CNPY4: variants seen among roughly 807,000 people sequenced by gnomAD.
CNPY4 encodes the protein protein canopy homolog 4.
Under a neutral mutation model 30.1 loss-of-function variants are expected in CNPY4, and 33 were observed. The ratio of observed to expected loss-of-function variants is 1.10; its 90% confidence interval spans 0.83 to 1.46. CNPY4 has a LOEUF of 1.46. Among genes scored for constraint, CNPY4 ranks in the 40% most tolerant of loss-of-function variants. The pLI, the probability that CNPY4 is intolerant of heterozygous loss-of-function variation, is 0.00. For synonymous variants in CNPY4, 109 were observed against 110.1 expected (o/e 0.99, Z 0.06); for missense variants, 324 against 302.6 (o/e 1.07, Z -0.52).
chr7:100,124,701 A>G, intron 5 of CNPY4, 24 bp from the exon 6 acceptor site: 1 of 1,613,534 alleles, frequency 6.2e-7, no homozygotes, highest in Non-Finnish European at 8.5e-7. Flanking sequence ...TAATATCTAA[A>G]TTGTTTTCTG....
At position 100,122,477 on chromosome 7, in the gene CNPY4, A is replaced by G. The variant is rs1479430058; in HGVS notation, c.246-4A>G. On this transcript the variant is annotated splice_polypyrimidine_tract_variant and splice_region_variant and intron_variant, in intron 2 of 5. Transcript: ENST00000262932. Reference sequence around the variant, plus strand: ...GGGAATCTTTGTTTCCTCTCTTTCCACAGAGAGACAAGGCTGGAAGAGGCC... The same window carrying G: ...GGGAATCTTTGTTTCCTCTCTTTCCGCAGAGAGACAAGGCTGGAAGAGGCC... 4 of 1,613,690 alleles carry G rather than the reference A, an allele frequency of 2.5e-6. No homozygotes were observed. The highest frequency in any genetic ancestry group is 2.2e-5 in the East Asian group (1 of 44,878).
intron 5 of CNPY4, 30 bp downstream of exon 5, chr7:100,124,661 C>A (rs1798165776): frequency 1.2e-6 from 2 of 1,611,128 alleles, no homozygotes; most frequent in Non-Finnish European, 1.7e-6. Flanking sequence ...TCCTCTCCTG[C>A]CAAGCCATAG....
chr7:100,121,118 T>TATATATA (rs1798048567), intron 1 of CNPY4: 3 of 31,884 alleles, frequency 9.4e-5, no homozygotes, highest in African/African-American at 3.1e-4. Flanking sequence ...ATATATATAT[T>TATATATA]TTTTTTTTTT....
intron 1 of CNPY4, chr7:100,121,112 A>ATTTT (rs1798040006): frequency 5.2e-4 from 16 of 30,708 alleles, no homozygotes; most frequent in Non-Finnish European, 7.6e-4. Flanking sequence ...ATATATATAT[A>ATTTT]TATATTTTTT....
At chr7:100,124,444 G>T in intron 4 of CNPY4, 70 bp from the exon 5 acceptor site, 1 of 1,241,148 alleles carries the variant, frequency 8.1e-7, no homozygotes, top group South Asian at 1.2e-5. Flanking sequence ...AGGTTGAGCA[G>T]GGAGAGAAGA....
rs144940034 is a variant in CNPY4 at position 100,124,875 on chromosome 7, G to A, written c.734G>A (p.Arg245Gln). 2.2e-4 allele frequency: 353 copies of A among 1,597,762 alleles called. No individual in the cohort carries two copies. The highest frequency in any genetic ancestry group is 3.3e-4 in the South Asian group (29 of 88,392). Residue 245 changes from arginine (R) to glutamine (Q), a missense_variant, in exon 6 of 6, where the codon CGA becomes CAA. Transcript: ENST00000262932. ...ACAGGAAGCCACCCCAAACTTGACC[G>A]AGAAGATCTTTGACCCTTGCCTTTG... ...TKTGSHPKLD[R>Q]EDL is the part of the protein sequence containing the mutation.
rs1880949 is a variant in CNPY4 at position 100,124,643 on chromosome 7, G to T, written c.583+12G>T. Reference sequence around the variant, plus strand: ...AGCTGCTGAAACTGGTAAGCGTAAGGGTTGAACTCCTCTCCTGCCAAGCCA... The same window carrying T: ...AGCTGCTGAAACTGGTAAGCGTAAGTGTTGAACTCCTCTCCTGCCAAGCCA... On this transcript the variant is annotated intron_variant, in intron 5 of 5. Coordinates refer to ENST00000262932, the MANE Select transcript of CNPY4 (RefSeq NM_152755.2). 437,673 of 1,611,178 alleles carry T rather than the reference G, an allele frequency of 0.27. 61,201 individuals carry two copies. The highest frequency in any genetic ancestry group is 0.38 in the East Asian group (17,148 of 44,844).
Position 100,122,793 on chromosome 7 carries a change from CAG to C in CNPY4, c.354_355del (p.Gln118HisfsTer26). Reference protein sequence around the residue: ...GSLRYAKGQSQTMATLKGLVQ... With the variant: ...GSLRYAKGQSXTMATLKGLVQ... Reference sequence around the variant, plus strand: ...ATTCTTAATCTCTCAGGGTCAGAGTCAGACCATGGCAACACTGAAAGGCCTAG... The same window carrying C: ...ATTCTTAATCTCTCAGGGTCAGAGTCACCATGGCAACACTGAAAGGCCTAG... On this transcript the variant is annotated frameshift_variant, in exon 4 of 6. Coordinates refer to ENST00000262932, the MANE Select transcript of CNPY4 (RefSeq NM_152755.2). LOFTEE classifies it high-confidence loss of function. The C allele has an allele frequency of 8.1e-6, 13 of 1,613,458 alleles. No homozygotes were observed. Among genetic ancestry groups the C allele is most frequent in the Non-Finnish European group, 1.0e-5 (12 of 1,179,752 alleles).
intron 1 of CNPY4, chr7:100,120,326 GC>G (rs772331017): frequency 2.7e-4 from 42 of 153,374 alleles, no homozygotes; most frequent in Non-Finnish European, 6.0e-4. Context: ...GAGTAATTCA[GC>G]CTTTGAAGCT....
chr7:100,122,745 G>A (rs765919010), intron 3 of CNPY4, 39 bp from the exon 4 acceptor site: 2 of 1,594,304 alleles, frequency 1.3e-6, no homozygotes, highest in South Asian at 1.1e-5. Flanking sequence ...GAGGGGTGGG[G>A]TGGTGAGCTG....
intron 1 of CNPY4, among the ~76,000 whole-genome samples, chr7:100,121,873 AC>A (rs1316706913): frequency 1.5e-5 from 2 of 135,838 alleles, no homozygotes; most frequent in Middle Eastern, 3.6e-3. Context: ...ACACGGTGAA[AC>A]CCTGTCTCTA....
intron 1 of CNPY4, 49 bp downstream of exon 1, chr7:100,119,911 T>C (rs1274140640): frequency 6.6e-7 from 1 of 1,517,626 alleles, no homozygotes; most frequent in Non-Finnish European, 8.9e-7. Context: ...CACACCTCCT[T>C]CTTCTAGGCC....
chr7:100,123,294 A>G (rs1227681728), intron 4 of CNPY4, among the ~76,000 whole-genome samples: 1 of 151,844 alleles, frequency 6.6e-6, no homozygotes, highest in Non-Finnish European at 1.5e-5. Context: ...ATGAGCCAAG[A>G]TCGCACCATT....
At position 100,119,719 on chromosome 7, in the gene CNPY4, T is replaced by C; in HGVS notation, c.-26T>C. 1 of 1,613,750 alleles carries C rather than the reference T, an allele frequency of 6.2e-7. No individual in the cohort carries two copies. Among genetic ancestry groups the C allele is most frequent in the Non-Finnish European group, 8.5e-7 (1 of 1,179,878 alleles). The stretch of plus-strand genomic sequence containing the variant: ...CCTTCCCGAAGTTGAAGGCAAGCGG[T>C]GATTGTTTGTAGACGGCGCTTTGTC... On this transcript the variant is annotated 5_prime_UTR_variant, in exon 1 of 6. Transcript: ENST00000262932.
chr7:100,123,034 C>A, intron 4 of CNPY4, 128 bp downstream of exon 4: 2 of 1,069,922 alleles, frequency 1.9e-6, no homozygotes, highest in Non-Finnish European at 2.6e-6. Flanking sequence ...GAGGACTGTG[C>A]CATTGATTAA....
At position 100,119,796 on chromosome 7, in the gene CNPY4, G is replaced by A; in HGVS notation, c.52G>A (p.Glu18Lys). Reference sequence around the variant, plus strand: ...GCTTTTCCTTTTTTTGGCCGTGCACGAGGCTTGGGCTGGGATGTTGAAGGA... The same window carrying A: ...GCTTTTCCTTTTTTTGGCCGTGCACAAGGCTTGGGCTGGGATGTTGAAGGA... ...ILLFLFLAVH[E>K]AWAGMLKEED... The change falls in exon 1 of 6, where the codon GAG becomes AAG. Residue 18 changes from glutamate (E) to lysine (K), a missense_variant. Glu to Lys is a moderately conservative substitution (Grantham distance 56). Transcript: ENST00000262932. 1 of 1,614,168 alleles carries A rather than the reference G, an allele frequency of 6.2e-7. No individual in the cohort carries two copies. Among genetic ancestry groups the A allele is most frequent in the Non-Finnish European group, 8.5e-7 (1 of 1,180,016 alleles).
In CNPY4 at chr7:100,122,897, C is replaced by CA; in HGVS notation, c.458dup (p.Lys154GlufsTer4). 6.2e-7 allele frequency: 1 copy of CA among 1,612,498 alleles called. No individual in the cohort carries two copies. The highest frequency in any genetic ancestry group is 8.5e-7 in the Non-Finnish European group (1 of 1,179,412). On this transcript the variant is annotated frameshift_variant, in exon 4 of 6. Coordinates refer to ENST00000262932, the MANE Select transcript of CNPY4 (RefSeq NM_152755.2). LOFTEE classifies it high-confidence loss of function. Reference sequence around the variant, plus strand: ...AGCCCAGCGTGGAGGTCACATACCTCAAGAAGCAGGTAGGATAAGACACTG... The same window carrying CA: ...AGCCCAGCGTGGAGGTCACATACCTCAAAGAAGCAGGTAGGATAAGACACTG...
chr7:100,122,750 G>A lies in CNPY4; in HGVS notation c.343-34G>A, dbSNP rs759597218. The stretch of plus-strand genomic sequence containing the variant: ...AAGGGGAAGGGAGGGGTGGGGTGGT[G>A]AGCTGGGCTGATGCCAAATTCTTAA... On this transcript the variant is annotated intron_variant, in intron 3 of 5. Transcript: ENST00000262932. 6.2e-6 allele frequency: 10 copies of A among 1,600,588 alleles called. No individual in the cohort carries two copies. The East Asian group carries it at 9.0e-5, about 14-fold the overall frequency.
chr7:100,122,707 C>G lies in CNPY4; in HGVS notation c.343-77C>G. On this transcript the variant is annotated intron_variant, in intron 3 of 5. Coordinates refer to ENST00000262932, the MANE Select transcript of CNPY4 (RefSeq NM_152755.2). ...TCACCCTTGAATCTCCAGTAGTTGA[C>G]AAAACTGAAATGGCAGAAAGGGGAA... 2.6e-6 allele frequency: 4 copies of G among 1,533,320 alleles called. No individual in the cohort carries two copies. The Admixed American group carries it at 7.4e-5, about 28-fold the overall frequency. 95.0% of individuals were successfully genotyped at this position (1,533,320 alleles called of 1,614,324 possible).
Sources: allele counts gnomAD v4.1 joint callset (sites outside exome capture counted in the v4.1 genomes callset), GRCh38; gene constraint gnomAD v4.1.1; transcripts MANE v1.5; gene names NCBI Gene and HGNC (gene_info 2026-07-23, HGNC 2026-07-21).